Variants in CKAP5 observed in about 807,000 individuals in gnomAD.
The protein encoded by CKAP5 is cytoskeleton-associated protein 5.
CKAP5 carries 27 observed loss-of-function variants against 232.8 expected under a neutral mutation model. The observed-to-expected ratio is 0.12, with a 90% confidence interval of 0.09 to 0.16. The LOEUF (loss-of-function observed/expected upper bound fraction) is 0.16. Ranked by LOEUF, CKAP5 falls within the 10% of genes least tolerant of loss-of-function variation. CKAP5 has a pLI of 1.00. For missense variants in CKAP5, 1,838 were observed against 2,424.7 expected, an observed-to-expected ratio of 0.76 and a Z score of 5.08; for synonymous variants, 785 against 841.1, an observed-to-expected ratio of 0.93 and a Z score of 1.16.
chr11:46,787,676 G>A (rs538277675), intron 16 of CKAP5, among the ~76,000 whole-genome samples: 1 of 152,160 alleles, frequency 6.6e-6, no homozygotes, highest in South Asian at 2.1e-4. Flanking sequence ...TGGATAAGGA[G>A]GCTTCTAGGC....
In CKAP5 at chr11:46,757,695, C is replaced by A. The variant is rs1403881758; in HGVS notation, c.4689+1228G>T. ...CTCTGCCTCCTGGGTTAAAGTGATT[C>A]TCCTGCCTCAGCCTCCTGAGCAGCT... On this transcript the variant is annotated intron_variant, in intron 35 of 43. Coordinates refer to ENST00000529230, the MANE Select transcript of CKAP5 (RefSeq NM_001008938.4). 3.3e-5 allele frequency among the ~76,000 whole-genome samples: 5 copies of A among 150,524 alleles called. No homozygotes were observed. In the East Asian group the frequency reaches 7.9e-4, roughly 24 times the overall value.
At chr11:46,750,039 G>A (rs188995215) in intron 42 of CKAP5, among the ~76,000 whole-genome samples, 2 of 152,110 alleles carry the variant, frequency 1.3e-5, no homozygotes, top group Non-Finnish European at 2.9e-5. Flanking sequence ...AACTGGAAGC[G>A]AAGTGAAGAA....
chr11:46,750,656 A>T (rs750717442), intron 40 of CKAP5, 45 bp from the exon 41 acceptor site: 54 of 1,450,184 alleles, frequency 3.7e-5, no homozygotes, highest in Non-Finnish European at 4.9e-5. Flanking sequence ...GACTTGAGTT[A>T]TTAATTAGGA....
chr11:46,790,322 T>C, intron 14 of CKAP5, 136 bp from the exon 15 acceptor site: 1 of 799,986 alleles, frequency 1.3e-6, no homozygotes. Flanking sequence ...TATTATACTT[T>C]GATAAAGGAG....
At chr11:46,810,675 T>G (rs1283713510) in intron 5 of CKAP5, among the ~76,000 whole-genome samples, 1 of 152,176 alleles carries the variant, frequency 6.6e-6, no homozygotes, top group Non-Finnish European at 1.5e-5. Context: ...GAATTTACTA[T>G]AAGGAAGACG....
intron 1 of CKAP5, among the ~76,000 whole-genome samples, chr11:46,838,793 CAAAAAAAAAA>C (rs71042626): frequency 2.2e-4 from 10 of 45,930 alleles, no homozygotes; most frequent in African/African-American, 6.3e-4. Flanking sequence ...GACCCCATCT[CAAAAAAAAAA>C]AAAAAAAAAA....
rs1198602335 is a variant in CKAP5, at chr11:46,806,860, G to A, written c.978+1171C>T. On this transcript the variant is annotated intron_variant, in intron 8 of 43. Transcript: ENST00000529230. ...ATTGTGCACATTCCCAGCTGAGGTA[G>A]ACAAGATAACACTCTACCTTCTTGC... 2.6e-5 allele frequency among the ~76,000 whole-genome samples: 4 copies of A among 152,208 alleles called. No individual in the cohort carries two copies. In the East Asian group the frequency reaches 7.7e-4, roughly 29 times the overall value.
chr11:46,834,584 G>C (rs1439609996), intron 1 of CKAP5, among the ~76,000 whole-genome samples: 2 of 150,474 alleles, frequency 1.3e-5, no homozygotes, highest in Admixed American at 1.3e-4. Context: ...ACCAAGTAAG[G>C]CAAGTCCTCT....
At chr11:46,791,949 T>C (rs1030956958) in intron 13 of CKAP5, among the ~76,000 whole-genome samples, 2 of 152,218 alleles carry the variant, frequency 1.3e-5, no homozygotes, top group Admixed American at 6.5e-5. Context: ...AATGTTATCT[T>C]GAATATATTC....
chr11:46,790,230 G>T, intron 14 of CKAP5, 44 bp from the exon 15 acceptor site: 1 of 1,342,618 alleles, frequency 7.4e-7, no homozygotes, highest in Non-Finnish European at 1.1e-6. Flanking sequence ...TTGCTTAAGG[G>T]AACAGATGAC....
At chr11:46,815,376 G>A (rs1467999646) in intron 4 of CKAP5, among the ~76,000 whole-genome samples, 3 of 152,048 alleles carry the variant, frequency 2.0e-5, no homozygotes, top group Admixed American at 6.6e-5. Flanking sequence ...AAGAGACAGG[G>A]TCTTGCTCTC....
chr11:46,839,863 A>G (rs6485698), intron 1 of CKAP5, among the ~76,000 whole-genome samples: 151,788 of 152,316 alleles, frequency 1, 75,632 homozygotes, highest in Middle Eastern at 1. Flanking sequence ...ATGTAGCGGG[A>G]CATGTTGGCT....
At chr11:46,787,749 A>C (rs1376045559) in intron 16 of CKAP5, among the ~76,000 whole-genome samples, 1 of 152,254 alleles carries the variant, frequency 6.6e-6, no homozygotes. Context: ...GGATGTATAC[A>C]TATTTACATA....
At chr11:46,758,714 GAAAA>G (rs5791737) in intron 35 of CKAP5, 339 of 340,432 alleles carry the variant, frequency 1.0e-3, no homozygotes, top group South Asian at 1.6e-3. Flanking sequence ...CTCAAAAGAG[GAAAA>G]AAAAAAAAAA....
chr11:46,837,974 A>G (rs1047306611), intron 1 of CKAP5, among the ~76,000 whole-genome samples: 10 of 152,018 alleles, frequency 6.6e-5, no homozygotes, highest in South Asian at 2.1e-4. Flanking sequence ...AAAGGAGGGG[A>G]AAAAAAAGTA....
chr11:46,794,715 C>T (rs146837908), intron 13 of CKAP5, among the ~76,000 whole-genome samples: 2 of 151,370 alleles, frequency 1.3e-5, no homozygotes, highest in Non-Finnish European at 3.0e-5. Flanking sequence ...AAGTCCCTGT[C>T]ATCCTAGCTA....
In CKAP5 at chr11:46,762,202, G is replaced by A; in HGVS notation, c.4028-9C>T. On this transcript the variant is annotated splice_polypyrimidine_tract_variant and intron_variant, in intron 31 of 43. Coordinates refer to ENST00000529230, the MANE Select transcript of CKAP5 (RefSeq NM_001008938.4). ...CAGCTCTTCCAGGCACTCTGATGGG[G>A]GAGAAAGGCTAGATTAATGAGACAA... 3.7e-6 allele frequency: 6 copies of A among 1,612,202 alleles called. No homozygotes were observed. The highest frequency in any genetic ancestry group is 1.1e-5 in the South Asian group (1 of 90,926).
intron 42 of CKAP5, among the ~76,000 whole-genome samples, chr11:46,747,515 T>C (rs1442587853): frequency 1.3e-5 from 2 of 149,292 alleles, no homozygotes; most frequent in Non-Finnish European, 1.5e-5. Context: ...GGCAAGAGAA[T>C]CTCTTAAGCC....
At chr11:46,746,001 A>G (rs1447303193) in intron 42 of CKAP5, among the ~76,000 whole-genome samples, 1 of 152,182 alleles carries the variant, frequency 6.6e-6, no homozygotes, top group Admixed American at 6.6e-5. Context: ...GAAAGGCGTA[A>G]TTTAAGGTGT....
Sources: gnomAD v4.1 joint callset for allele counts (sites outside exome capture counted in the v4.1 genomes callset) on GRCh38, gnomAD v4.1.1 for gene constraint, MANE v1.5 for transcripts, NCBI Gene and HGNC (gene_info 2026-07-23, HGNC 2026-07-21) for gene names.